SPAG16: variants seen among roughly 807,000 people sequenced by gnomAD.
The protein encoded by SPAG16 is sperm-associated antigen 16 protein.
SPAG16 carries 86 observed loss-of-function variants against 80.4 expected under a neutral mutation model. That is an observed-to-expected ratio of 1.07 (90% confidence interval 0.90 to 1.28). The LOEUF (loss-of-function observed/expected upper bound fraction) is 1.28. Ranked by LOEUF, SPAG16 falls within the 50% of genes most tolerant of loss-of-function variation. SPAG16 has a pLI of 0.00. For synonymous variants in SPAG16, 294 were observed against 265.9 expected, an observed-to-expected ratio of 1.11 and a Z score of -1.03; for missense variants, 870 against 765.3, an observed-to-expected ratio of 1.14 and a Z score of -1.61.
chr2:214,305,406 G>A (rs1398088984), intron 15 of SPAG16, among the ~76,000 whole-genome samples: 1 of 151,994 alleles, frequency 6.6e-6, no homozygotes, highest in Non-Finnish European at 1.5e-5. Context: ...TTTTCATTTT[G>A]TTGCAATTGC....
chr2:213,606,402 C>G (rs1211344946), intron 10 of SPAG16, among the ~76,000 whole-genome samples: 2 of 152,176 alleles, frequency 1.3e-5, no homozygotes, highest in East Asian at 3.8e-4. Flanking sequence ...AGCTGATTCA[C>G]ATTTTCGACA....
At chr2:214,000,754 G>A (rs999200242) in intron 12 of SPAG16, among the ~76,000 whole-genome samples, 1 of 152,190 alleles carries the variant, frequency 6.6e-6, no homozygotes, top group Non-Finnish European at 1.5e-5. Context: ...GTCCATTCGG[G>A]TTTCTAGCTC....
chr2:213,779,923 G>A (rs2069838306), intron 10 of SPAG16, among the ~76,000 whole-genome samples: 1 of 152,176 alleles, frequency 6.6e-6, no homozygotes, highest in Non-Finnish European at 1.5e-5. Flanking sequence ...GTAAACTTAA[G>A]TGCATAAAAA....
rs62191955 is a variant in SPAG16 at position 214,045,517 on chromosome 2, G to A, written c.1527+31440G>A. On this transcript the variant is annotated intron_variant, in intron 13 of 15. Coordinates refer to ENST00000331683, the MANE Select transcript of SPAG16 (RefSeq NM_024532.5). ...CTTGCTTGAGAAAGCAGAGGGAAAC[G>A]TAAAGGGGACTTTGTCTTTCACCTT... 3.3e-3 allele frequency among the ~76,000 whole-genome samples: 498 copies of A among 152,278 alleles called. 2 individuals carry two copies. The highest frequency in any genetic ancestry group is 7.8e-3 in the African/African-American group (323 of 41,568).
chr2:213,877,553 G>A (rs879272521), intron 11 of SPAG16, among the ~76,000 whole-genome samples: 2 of 152,160 alleles, frequency 1.3e-5, no homozygotes, highest in Non-Finnish European at 2.9e-5. Flanking sequence ...GAGTTCAAGT[G>A]ATCCTGCTGT....
At chr2:214,342,600 T>C (rs532433126) in intron 15 of SPAG16, among the ~76,000 whole-genome samples, 88 of 152,236 alleles carry the variant, frequency 5.8e-4, no homozygotes, top group African/African-American at 2.1e-3. Context: ...GTCTACATTA[T>C]GGTCAGTTGT....
chr2:214,309,026 G>A (rs1695111990), intron 15 of SPAG16, among the ~76,000 whole-genome samples: 1 of 151,636 alleles, frequency 6.6e-6, no homozygotes, highest in African/African-American at 2.4e-5. Flanking sequence ...GGTACACCAA[G>A]ACATTGTACA....
At chr2:214,107,325 A>C (rs1266765347) in intron 13 of SPAG16, among the ~76,000 whole-genome samples, 2 of 152,158 alleles carry the variant, frequency 1.3e-5, no homozygotes, top group Non-Finnish European at 2.9e-5. Flanking sequence ...AATATTAATT[A>C]CTCAAAAATA....
chr2:214,005,305 A>G (rs1247016998), intron 12 of SPAG16, among the ~76,000 whole-genome samples: 1 of 152,194 alleles, frequency 6.6e-6, no homozygotes, highest in African/African-American at 2.4e-5. Context: ...TGCTAGCTCT[A>G]CTATGATCAT....
intron 13 of SPAG16, among the ~76,000 whole-genome samples, chr2:214,087,999 T>C (rs1365820439): frequency 1.3e-5 from 2 of 151,976 alleles, no homozygotes; most frequent in African/African-American, 2.4e-5. Context: ...AAAGACCTGA[T>C]ATGTAAACAG....
intron 15 of SPAG16, among the ~76,000 whole-genome samples, chr2:214,364,585 G>A (rs1699369580): frequency 2.0e-5 from 3 of 152,150 alleles, no homozygotes; most frequent in African/African-American, 7.2e-5. Flanking sequence ...TCAGCACAGG[G>A]TTGGATATTG....
intron 15 of SPAG16, among the ~76,000 whole-genome samples, chr2:214,157,987 A>T (rs2056286026): frequency 6.6e-6 from 1 of 151,958 alleles, no homozygotes; most frequent in East Asian, 1.9e-4. Context: ...TCGAGAAATT[A>T]TTCATGTCTC....
intron 14 of SPAG16, among the ~76,000 whole-genome samples, chr2:214,125,315 A>G (rs1024586861): frequency 6.6e-6 from 1 of 151,764 alleles, no homozygotes; most frequent in Non-Finnish European, 1.5e-5. Flanking sequence ...CTGGTTTTCA[A>G]TTTTTACAGA....
intron 15 of SPAG16, among the ~76,000 whole-genome samples, chr2:214,365,653 A>C (rs1559245809): frequency 6.6e-6 from 1 of 152,198 alleles, no homozygotes; most frequent in Non-Finnish European, 1.5e-5. Flanking sequence ...TATGATATAA[A>C]GGTGACTGAT....
intron 13 of SPAG16, among the ~76,000 whole-genome samples, chr2:214,097,861 G>A (rs1488743409): frequency 6.6e-6 from 1 of 151,896 alleles, no homozygotes; most frequent in Non-Finnish European, 1.5e-5. Context: ...CTTTGTCACG[G>A]GCAGCAATCA....
At chr2:214,363,773 G>T (rs1036010460) in intron 15 of SPAG16, among the ~76,000 whole-genome samples, 1 of 152,066 alleles carries the variant, frequency 6.6e-6, no homozygotes, top group Non-Finnish European at 1.5e-5. Context: ...GGTAATAGGG[G>T]TTACAGAAGT....
At chr2:213,660,587 G>A (rs1484956628) in intron 10 of SPAG16, among the ~76,000 whole-genome samples, 1 of 152,050 alleles carries the variant, frequency 6.6e-6, no homozygotes, top group African/African-American at 2.4e-5. Context: ...AGGGTAGAAG[G>A]CTGCCCTGCT....
chr2:213,876,217 A>T (rs901307157), intron 11 of SPAG16, among the ~76,000 whole-genome samples: 1 of 151,916 alleles, frequency 6.6e-6, no homozygotes, highest in Non-Finnish European at 1.5e-5. Flanking sequence ...ATGTAGGTAC[A>T]TAACTTTTAG....
At chr2:214,008,519 T>A (rs578111597) in intron 12 of SPAG16, among the ~76,000 whole-genome samples, 1 of 151,626 alleles carries the variant, frequency 6.6e-6, no homozygotes, top group African/African-American at 2.4e-5. Context: ...CCAAAGTGGG[T>A]GGATTACTTG....
Sources: gnomAD v4.1 joint callset for allele counts (sites outside exome capture counted in the v4.1 genomes callset) on GRCh38, gnomAD v4.1.1 for gene constraint, MANE v1.5 for transcripts, NCBI Gene and HGNC (gene_info 2026-07-23, HGNC 2026-07-21) for gene names.